The following THAP4 variants were observed in gnomAD, a reference collection of about 807,000 sequenced individuals.
THAP4 encodes peroxynitrite isomerase THAP4.
In THAP4, 18 loss-of-function variants were observed where a neutral mutation model predicts 48.1. That is an observed-to-expected ratio of 0.37 (90% CI 0.26 to 0.56). THAP4 has a LOEUF of 0.56. Ranked by LOEUF, THAP4 falls within the 20% of genes least tolerant of loss-of-function variation. The probability of loss-of-function intolerance (pLI) is 0.78; values close to 1 mark genes in which losing one functional copy is unlikely to be tolerated. For synonymous variants in THAP4, 345 were observed against 324.9 expected, an observed-to-expected ratio of 1.06 and a Z score of -0.66; for missense variants, 656 against 774.9, an observed-to-expected ratio of 0.85 and a Z score of 1.82.
rs1488844791 is a variant in THAP4 at position 241,602,156 on chromosome 2, G to C, written c.1511-157C>G. On this transcript the variant is annotated intron_variant, in intron 4 of 5. Coordinates refer to ENST00000407315, the MANE Select transcript of THAP4 (RefSeq NM_015963.6). The stretch of plus-strand genomic sequence containing the variant: ...CTCCTCCTCCCCACTTCACCCTGTG[G>C]ATACGGAGGGAAAGCCACAACTCTC... 3 of 688,160 alleles carry C rather than the reference G, an allele frequency of 4.4e-6. No individual in the cohort carries two copies. The African/African-American group carries it at 5.4e-5, about 12-fold the overall frequency. 42.6% of individuals were successfully genotyped at this position (688,160 alleles called of 1,614,324 possible). A position where few individuals can be genotyped will look rare whatever the true frequency, so the allele number is the denominator to read the frequency against.
intron 2 of THAP4, among the ~76,000 whole-genome samples, chr2:241,608,063 C>T (rs944661835): frequency 6.6e-6 from 1 of 151,992 alleles, no homozygotes; most frequent in Non-Finnish European, 1.5e-5. Context: ...TTGGAACCAT[C>T]GCAGCTTCTG....
At chr2:241,590,780 A>G (rs2066962820) in intron 5 of THAP4, among the ~76,000 whole-genome samples, 1 of 151,736 alleles carries the variant, frequency 6.6e-6, no homozygotes, top group South Asian at 2.1e-4. Context: ...GAGGGGCACT[A>G]GGACACTCAG....
rs1384446261 is a variant in THAP4 at position 241,627,039 on chromosome 2, CAG to C, written c.1240+5876_1240+5877del. The stretch of plus-strand genomic sequence containing the variant: ...TCAGCTTCCATTTATTATTTATTAA[CAG>C]ATTGTTTTTAGGACAGAAAAATCCA... On this transcript the variant is annotated intron_variant, in intron 2 of 5. Coordinates refer to ENST00000407315, the MANE Select transcript of THAP4 (RefSeq NM_015963.6). Among the ~76,000 whole-genome samples the C allele has an allele frequency of 2.0e-5, 3 of 152,294 alleles. No homozygotes were observed. The East Asian group carries it at 5.8e-4, about 29-fold the overall frequency.
chr2:241,623,980 C>G (rs2067465625), intron 2 of THAP4, among the ~76,000 whole-genome samples: 7 of 152,120 alleles, frequency 4.6e-5, no homozygotes, highest in Admixed American at 4.6e-4. Flanking sequence ...TCGTGCACAT[C>G]CCACAGGTTA....
intron 2 of THAP4, among the ~76,000 whole-genome samples, chr2:241,619,562 T>C (rs558816846): frequency 2.4e-4 from 36 of 152,130 alleles, no homozygotes; most frequent in Non-Finnish European, 4.4e-4. Context: ...ATAGAAAACC[T>C]ACAGTAAAAA....
At chr2:241,632,151 G>A (rs1333544970) in intron 2 of THAP4, among the ~76,000 whole-genome samples, 1 of 151,382 alleles carries the variant, frequency 6.6e-6, no homozygotes, top group East Asian at 1.9e-4. Flanking sequence ...AGAGTGAAGT[G>A]GTGCAATCCT....
At chr2:241,625,938 CAGTG>C (rs1241355228) in intron 2 of THAP4, among the ~76,000 whole-genome samples, 1 of 151,960 alleles carries the variant, frequency 6.6e-6, no homozygotes. Flanking sequence ...TGCCATGACC[CAGTG>C]AGATCTATTC....
At chr2:241,636,739 G>T (rs1219140888) in intron 1 of THAP4, among the ~76,000 whole-genome samples, 1 of 151,372 alleles carries the variant, frequency 6.6e-6, no homozygotes, top group East Asian at 1.9e-4. Context: ...GGCGGCCGGG[G>T]TGGGGGCGGC....
chr2:241,602,080 C>A (rs1218985354), intron 4 of THAP4, 81 bp from the exon 5 acceptor site: 2 of 1,411,702 alleles, frequency 1.4e-6, no homozygotes, highest in African/African-American at 2.8e-5. Context: ...GCCTGCAAGC[C>A]GGGACTCCAC....
intron 2 of THAP4, among the ~76,000 whole-genome samples, chr2:241,628,560 C>T (rs142398951): frequency 3.5e-4 from 53 of 152,010 alleles, no homozygotes; most frequent in African/African-American, 1.2e-3. Flanking sequence ...AGTACTCCAG[C>T]ATTGCTACCA....
chr2:241,589,217 A>AG (rs2066926799), intron 5 of THAP4, among the ~76,000 whole-genome samples: 1 of 151,582 alleles, frequency 6.6e-6, no homozygotes, highest in Admixed American at 6.6e-5. Flanking sequence ...TGTCTCAAAA[A>AG]AAAAAAAGAA....
At chr2:241,631,810 T>C (rs1463763999) in intron 2 of THAP4, among the ~76,000 whole-genome samples, 1 of 151,940 alleles carries the variant, frequency 6.6e-6, no homozygotes, top group Non-Finnish European at 1.5e-5. Flanking sequence ...ACTTGGGAGG[T>C]GGATGACAAA....
At chr2:241,591,349 TG>T (rs2066976850) in intron 5 of THAP4, among the ~76,000 whole-genome samples, 1 of 152,204 alleles carries the variant, frequency 6.6e-6, no homozygotes, top group Non-Finnish European at 1.5e-5. Flanking sequence ...TCTAGGGTGC[TG>T]GGACTGTTCT....
At chr2:241,634,198 A>T (rs1459171444) in intron 1 of THAP4, 119 bp from the exon 2 acceptor site, 1 of 689,686 alleles carries the variant, frequency 1.4e-6, no homozygotes, top group Non-Finnish European at 2.3e-6. Flanking sequence ...GACTTCATCC[A>T]CTTAAAAAAA....
rs1463202283 is a variant in THAP4 at position 241,616,607 on chromosome 2, A to C, written c.1241-10134T>G. 6.6e-6 allele frequency among the ~76,000 whole-genome samples: 1 copy of C among 152,170 alleles called. No individual in the cohort carries two copies. Among genetic ancestry groups the C allele is most frequent in the East Asian group, 1.9e-4 (1 of 5,194 alleles). On this transcript the variant is annotated intron_variant, in intron 2 of 5. Transcript: ENST00000407315. This position sits in a 1 kb window ranked among gnomAD's most constrained non-coding sequence, Gnocchi z 4.6. ...TTCAGGGGCACAGGGCCCACACCAC[A>C]CTTGGGGACAGGACAGGACGCAGCA...
chr2:241,612,044 C>T lies in THAP4; in HGVS notation c.1241-5571G>A, dbSNP rs918947757. ...CAGCCTCCCGAGTAGTTGAATGAAGCTGCTCCATGAAGAAAGACCACTAAC... is the reference window on the plus strand; with the variant it reads ...CAGCCTCCCGAGTAGTTGAATGAAGTTGCTCCATGAAGAAAGACCACTAAC... On this transcript the variant is annotated intron_variant, in intron 2 of 5. Coordinates refer to ENST00000407315, the MANE Select transcript of THAP4 (RefSeq NM_015963.6). This position sits in a 1 kb window ranked among gnomAD's most constrained non-coding sequence, Gnocchi z 4.1. Among the ~76,000 whole-genome samples the T allele has an allele frequency of 1.3e-5, 2 of 152,098 alleles. No homozygotes were observed. Among genetic ancestry groups the T allele is most frequent in the East Asian group, 3.9e-4 (2 of 5,192 alleles).
intron 3 of THAP4, 52 bp from the exon 4 acceptor site, chr2:241,603,131 G>A (rs1343921739): frequency 9.1e-6 from 13 of 1,435,856 alleles, no homozygotes; most frequent in Admixed American, 1.7e-5. Context: ...CCAAGATGGC[G>A]TGGGCTGCGT....
chr2:241,599,077 C>T (rs2067082721), intron 5 of THAP4, among the ~76,000 whole-genome samples: 1 of 151,962 alleles, frequency 6.6e-6, no homozygotes, highest in Non-Finnish European at 1.5e-5. Context: ...CATGGTGAAA[C>T]CCCATCTGTA....
At chr2:241,585,014 G>A (rs749713017) in intron 5 of THAP4, 6 of 361,466 alleles carry the variant, frequency 1.7e-5, no homozygotes, top group South Asian at 6.2e-5. Flanking sequence ...GTCTGACCTC[G>A]GAAGCTAAGG....
Sources: allele counts gnomAD v4.1 joint callset (sites outside exome capture counted in the v4.1 genomes callset), GRCh38; gene constraint gnomAD v4.1.1; non-coding constraint Gnocchi (gnomAD v3.1); transcripts MANE v1.5; gene names NCBI Gene and HGNC (gene_info 2026-07-23, HGNC 2026-07-21).